MRPL27: variants seen among roughly 807,000 people sequenced by gnomAD.
MRPL27 encodes mitochondrial ribosomal protein L27.
Under a neutral mutation model 14.6 loss-of-function variants are expected in MRPL27, and 4 were observed. The ratio of observed to expected loss-of-function variants is 0.27; its 90% confidence interval spans 0.14 to 0.63. The LOEUF is 0.63. MRPL27 is among the 20% of genes least tolerant of loss of function. The probability of loss-of-function intolerance (pLI) is 0.85; values close to 1 mark genes in which losing one functional copy is unlikely to be tolerated. For synonymous variants in MRPL27, 82 were observed against 75.5 expected (o/e 1.09, Z -0.45); for missense variants, 196 against 192.8 (o/e 1.02, Z -0.10).
chr17:50,372,317 C>T (rs148123143), intron 1 of MRPL27, among the ~76,000 whole-genome samples: 3,097 of 151,718 alleles, frequency 0.02, 53 homozygotes, highest in Middle Eastern at 0.054. Context: ...ATGAACATAG[C>T]TCACTGCAAC....
In MRPL27 at chr17:50,370,514, C is replaced by G; in HGVS notation, c.113G>C (p.Ser38Thr). Residue 38 changes from serine to threonine, a missense_variant, in exon 2 of 4, where the codon AGC (serine) becomes ACC (threonine). Coordinates refer to ENST00000225969, the MANE Select transcript of MRPL27 (RefSeq NM_016504.3). ...TGACTTTCCACCGAGGTTTTTGGAG[C>G]TACCACCCGACTTCTTGGATGCGTA... ...VRYASKKSGG[S>T]SKNLGGKSSG... The G allele has an allele frequency of 1.2e-6, 2 of 1,614,182 alleles. No individual in the cohort carries two copies. Among genetic ancestry groups the G allele is most frequent in the Non-Finnish European group, 1.7e-6 (2 of 1,180,038 alleles).
intron 3 of MRPL27, chr17:50,368,961 G>A: frequency 1.5e-6 from 1 of 677,876 alleles, no homozygotes; most frequent in Admixed American, 2.2e-5. Context: ...TAGAACTTCA[G>A]GCTGGGTGTG....
rs1276796935 is a variant in MRPL27 at position 50,370,696 on chromosome 17, CA to C, written c.41-111del. 1.9e-5 allele frequency: 28 copies of C among 1,485,822 alleles called. No individual in the cohort carries two copies. The Admixed American group carries it at 4.7e-4, about 25-fold the overall frequency. The allele number at this position is 1,485,822 out of a possible 1,614,324, so 92.0% of individuals were successfully genotyped here. On this transcript the variant is annotated intron_variant, in intron 1 of 3. Coordinates refer to ENST00000225969, the MANE Select transcript of MRPL27 (RefSeq NM_016504.3). ...CGGTGGGGAGATGAGAAAGCTGTGT[CA>C]GGGGAGCAGAAGTGCCACTGAGTGT...
chr17:50,369,151 T>G, intron 3 of MRPL27: 1 of 401,306 alleles, frequency 2.5e-6, no homozygotes, highest in South Asian at 4.4e-5. Flanking sequence ...TAATATTAAC[T>G]ATTTTACAGG....
Position 50,370,472 on chromosome 17 carries a change from C to G in MRPL27, c.155G>C (p.Gly52Ala). The change falls in exon 2 of 4, where the codon GGC becomes GCC. Residue 52 changes from glycine to alanine, a missense_variant. Transcript: ENST00000225969. ...LGGKSSGRRQGIKKMEGHYVH... is the reference protein window; with the variant it reads ...LGGKSSGRRQAIKKMEGHYVH... Reference sequence around the variant, plus strand: ...ATCCTCACCTTCCATTTTCTTAATGCCTTGGCGTCTGCCTGATGACTTTCC... The same window carrying G: ...ATCCTCACCTTCCATTTTCTTAATGGCTTGGCGTCTGCCTGATGACTTTCC... The G allele has an allele frequency of 6.2e-7, 1 of 1,614,212 alleles. No individual in the cohort carries two copies.
intron 2 of MRPL27, 157 bp downstream of exon 2, chr17:50,370,298 C>T (rs954864164): frequency 1.5e-5 from 19 of 1,301,624 alleles, no homozygotes; most frequent in East Asian, 1.2e-4. Context: ...CCCACCCACT[C>T]GATGACCCTT....
Position 50,368,856 on chromosome 17 carries a change from T to C in MRPL27, c.241-558A>G, listed in dbSNP as rs1408235746. 6 of 702,394 alleles carry C rather than the reference T, an allele frequency of 8.5e-6. No homozygotes were observed. In the East Asian group the frequency reaches 1.3e-4, roughly 16 times the overall value. 43.5% of individuals were successfully genotyped at this position (702,394 alleles called of 1,614,324 possible). On this transcript the variant is annotated intron_variant, in intron 3 of 3. Transcript: ENST00000225969. ...TTCTCACCTAGTGAAAGAGGTATTA[T>C]TTCCAACGCCACTTTTCAGATGTGA...
chr17:50,373,061 C>T, intron 1 of MRPL27, 70 bp downstream of exon 1: 1 of 1,604,656 alleles, frequency 6.2e-7, no homozygotes, highest in Non-Finnish European at 8.5e-7. Context: ...AGTGTCACCT[C>T]CTTCCCTCCC....
chr17:50,369,881 A>G, intron 3 of MRPL27, 151 bp downstream of exon 3: 1 of 882,342 alleles, frequency 1.1e-6, no homozygotes, highest in Non-Finnish European at 1.8e-6. Flanking sequence ...GGATGTGGTA[A>G]GGAAGAAATG....
intron 3 of MRPL27, chr17:50,369,759 A>G: frequency 2.0e-6 from 1 of 502,084 alleles, no homozygotes; most frequent in Non-Finnish European, 3.5e-6. Context: ...GGCCAATGCA[A>G]CACCAGGGCA....
intron 1 of MRPL27, among the ~76,000 whole-genome samples, chr17:50,372,522 G>A (rs1237176030): frequency 1.3e-5 from 2 of 152,200 alleles, no homozygotes; most frequent in Non-Finnish European, 2.9e-5. Context: ...TGGGACTACA[G>A]GCGTGAGCCA....
intron 2 of MRPL27, 117 bp downstream of exon 2, chr17:50,370,338 G>A: frequency 6.6e-7 from 1 of 1,520,646 alleles, no homozygotes; most frequent in Admixed American, 1.7e-5. Context: ...CTTTAAACTG[G>A]AGCCAATTAT....
chr17:50,372,245 C>CT (rs55881482), intron 1 of MRPL27, among the ~76,000 whole-genome samples: 3,053 of 139,624 alleles, frequency 0.022, 52 homozygotes, highest in African/African-American at 0.047. Flanking sequence ...TCCTGTCATT[C>CT]TTTTTTTTTT....
chr17:50,372,255 T>TG (rs1363281205), intron 1 of MRPL27, among the ~76,000 whole-genome samples: 3,993 of 120,496 alleles, frequency 0.033, 72 homozygotes, highest in African/African-American at 0.045. Flanking sequence ...CTTTTTTTTT[T>TG]GGGGGGGGGG....
At chr17:50,368,816 C>T (rs772652337) in intron 3 of MRPL27, 9 of 701,602 alleles carry the variant, frequency 1.3e-5, no homozygotes, top group Non-Finnish European at 2.1e-5. Context: ...CTTTAATACA[C>T]ATTAAGTCAT....
intron 3 of MRPL27, chr17:50,368,607 G>C: frequency 1.7e-6 from 1 of 591,106 alleles, no homozygotes; most frequent in Non-Finnish European, 3.0e-6. Flanking sequence ...CCAAAACCCA[G>C]GAAGATGCCC....
Position 50,370,084 on chromosome 17 carries a change from G to A in MRPL27, c.188C>T (p.Ala63Val), listed in dbSNP as rs745515829. Reference protein sequence around the residue: ...IKKMEGHYVHAGNIIATQRHF... With the variant: ...IKKMEGHYVHVGNIIATQRHF... ...GCGCTGTGTTGCAATGATGTTCCCA[G>A]CATGAACATAGTGACCTAGAAGAGA... Residue 63 changes from alanine to valine, a missense_variant, in exon 3 of 4, where the codon GCT becomes GTT. Ala to Val is a moderately conservative substitution (Grantham distance 64, BLOSUM62 0). Transcript: ENST00000225969. 1 of 1,612,882 alleles carries A rather than the reference G, an allele frequency of 6.2e-7. No homozygotes were observed. The highest frequency in any genetic ancestry group is 1.1e-5 in the South Asian group (1 of 90,886).
intron 1 of MRPL27, 99 bp downstream of exon 1, chr17:50,373,032 A>C: frequency 6.5e-7 from 1 of 1,538,302 alleles, no homozygotes. Context: ...CCTCGCATCC[A>C]AGGTCCTCCG....
chr17:50,369,768 C>G, intron 3 of MRPL27: 1 of 520,220 alleles, frequency 1.9e-6, no homozygotes, highest in Non-Finnish European at 3.3e-6. Flanking sequence ...AACACCAGGG[C>G]AAATCATAGT....
Sources: allele counts gnomAD v4.1 joint callset (sites outside exome capture counted in the v4.1 genomes callset), GRCh38; gene constraint gnomAD v4.1.1; transcripts MANE v1.5; gene names NCBI Gene and HGNC (gene_info 2026-07-23, HGNC 2026-07-21).